The following SYCP2L variants were observed in gnomAD, a reference collection of about 807,000 sequenced individuals.
SYCP2L encodes synaptonemal complex protein 2 like.
Under a neutral mutation model 125.8 loss-of-function variants are expected in SYCP2L, and 98 were observed. The observed-to-expected ratio is 0.78, with a 90% CI of 0.66 to 0.92. SYCP2L has a LOEUF of 0.92. SYCP2L is among the 40% of genes least tolerant of loss of function. The pLI is 0.00. For missense variants in SYCP2L, 842 were observed against 936.4 expected (o/e 0.90, Z 1.32); for synonymous variants, 317 against 325.4 (o/e 0.97, Z 0.28).
At chr6:10,895,789 A>G (rs1027538902) in intron 4 of SYCP2L, among the ~76,000 whole-genome samples, 10 of 151,164 alleles carry the variant, frequency 6.6e-5, no homozygotes, top group Admixed American at 1.3e-4. Flanking sequence ...CGCCTGGCCA[A>G]CTCTATACTT....
intron 29 of SYCP2L, among the ~76,000 whole-genome samples, chr6:10,969,769 C>T (rs1781741259): frequency 6.6e-6 from 1 of 152,062 alleles, no homozygotes; most frequent in Non-Finnish European, 1.5e-5. Flanking sequence ...CCTAGATGCC[C>T]AGCTAAATAC....
At chr6:10,965,846 C>G (rs1017209196) in intron 29 of SYCP2L, among the ~76,000 whole-genome samples, 8 of 152,222 alleles carry the variant, frequency 5.3e-5, no homozygotes, top group African/African-American at 1.9e-4. Context: ...GGCCTGGTGG[C>G]TCATGCCTAT....
At chr6:10,967,353 A>G (rs1781699233) in intron 29 of SYCP2L, among the ~76,000 whole-genome samples, 1 of 152,160 alleles carries the variant, frequency 6.6e-6, no homozygotes, top group African/African-American at 2.4e-5. Context: ...GACAATCCTG[A>G]GAAGAAAATT....
chr6:10,957,803 C>T (rs146084324), intron 25 of SYCP2L, among the ~76,000 whole-genome samples: 1 of 152,098 alleles, frequency 6.6e-6, no homozygotes, highest in Non-Finnish European at 1.5e-5. Flanking sequence ...GGCAACAGAG[C>T]AAGACCATGT....
intron 2 of SYCP2L, among the ~76,000 whole-genome samples, chr6:10,892,266 T>C (rs9366664): frequency 0.37 from 56,936 of 151,984 alleles, 10,955 homozygotes; most frequent in Non-Finnish European, 0.43. Context: ...AAGCAAAGGA[T>C]TTTGGGTTTA....
rs375077118 is a variant in SYCP2L at position 10,902,783 on chromosome 6, CAG to C, written c.552+22_552+23del. On this transcript the variant is annotated intron_variant, in intron 7 of 29. Coordinates refer to ENST00000283141, the MANE Select transcript of SYCP2L (RefSeq NM_001040274.3). ...AGGAGGTGAGTTGCAAGTAACAAAA[CAG>C]GTAATAGTGGTTCCAGAAACCTAAA... The C allele has an allele frequency of 8.1e-6, 13 of 1,612,602 alleles. No homozygotes were observed. The African/African-American group carries it at 1.5e-4, about 18-fold the overall frequency.
intron 29 of SYCP2L, among the ~76,000 whole-genome samples, chr6:10,971,149 C>G (rs1781762651): frequency 6.6e-6 from 1 of 152,032 alleles, no homozygotes; most frequent in Non-Finnish European, 1.5e-5. Flanking sequence ...CTATCTTAGG[C>G]CATTCTGTGC....
In SYCP2L at chr6:10,912,855, T is replaced by C. The variant is rs1256250302; in HGVS notation, c.1012-12T>C. On this transcript the variant is annotated splice_polypyrimidine_tract_variant and intron_variant, in intron 13 of 29. Coordinates refer to ENST00000283141, the MANE Select transcript of SYCP2L (RefSeq NM_001040274.3). This position sits in a 1 kb window ranked among gnomAD's most constrained non-coding sequence, Gnocchi z 4.1. Reference sequence around the variant, plus strand: ...TTTGCACTCATGAATTTCACTTATTTATTTTCCCAAGAATACTCTATGGGA... The same window carrying C: ...TTTGCACTCATGAATTTCACTTATTCATTTTCCCAAGAATACTCTATGGGA... 1.9e-6 allele frequency: 3 copies of C among 1,613,660 alleles called. No individual in the cohort carries two copies. The highest frequency in any genetic ancestry group is 2.5e-6 in the Non-Finnish European group (3 of 1,179,780).
At position 10,958,710 on chromosome 6, in the gene SYCP2L, T is replaced by G. The variant is rs529364297; in HGVS notation, c.2164-74T>G. The G allele has an allele frequency of 2.0e-5, 27 of 1,381,220 alleles. 1 individual carries two copies. In the South Asian group the frequency reaches 2.8e-4, roughly 14 times the overall value. 85.6% of individuals were successfully genotyped at this position (1,381,220 alleles called of 1,614,324 possible). A position where few individuals can be genotyped will look rare whatever the true frequency, so the allele number is the denominator to read the frequency against. ...ATTATTACATGCTGGCAGCATCTTTTTAACACAAAGCATGCACTCAACTTA... is the reference window on the plus strand; with the variant it reads ...ATTATTACATGCTGGCAGCATCTTTGTAACACAAAGCATGCACTCAACTTA... On this transcript the variant is annotated intron_variant, in intron 25 of 29. Transcript: ENST00000283141.
intron 17 of SYCP2L, among the ~76,000 whole-genome samples, chr6:10,928,099 C>T (rs1780929637): frequency 6.6e-6 from 1 of 151,906 alleles, no homozygotes; most frequent in African/African-American, 2.4e-5. Flanking sequence ...CACACATGCT[C>T]TACAATTTGT....
intron 16 of SYCP2L, 81 bp from the exon 17 acceptor site, chr6:10,927,159 G>A (rs1780912284): frequency 1.3e-6 from 2 of 1,564,720 alleles, no homozygotes; most frequent in Admixed American, 1.8e-5. Flanking sequence ...AGGTACCAGA[G>A]GGGACATCCC....
At chr6:10,928,196 A>T (rs1156642349) in intron 17 of SYCP2L, among the ~76,000 whole-genome samples, 1 of 151,814 alleles carries the variant, frequency 6.6e-6, no homozygotes, top group Non-Finnish European at 1.5e-5. Context: ...AGGCATAGGA[A>T]ATCACAAGGG....
intron 20 of SYCP2L, among the ~76,000 whole-genome samples, chr6:10,933,710 A>G (rs889926815): frequency 2.0e-5 from 3 of 152,216 alleles, no homozygotes; most frequent in Non-Finnish European, 4.4e-5. Context: ...AGAGAAGCTC[A>G]ATAGCATTTA....
rs1398218312 is a variant in SYCP2L, at chr6:10,928,397, C to T, written c.1441-6C>T. On this transcript the variant is annotated splice_region_variant and splice_polypyrimidine_tract_variant and intron_variant, in intron 17 of 29. Coordinates refer to ENST00000283141, the MANE Select transcript of SYCP2L (RefSeq NM_001040274.3). ...AATCTTCACAATCCACGTTCTTCTGCCATAGCTTCAGCCGGTCCCTCCGTT... is the reference window on the plus strand; with the variant it reads ...AATCTTCACAATCCACGTTCTTCTGTCATAGCTTCAGCCGGTCCCTCCGTT... The T allele has an allele frequency of 1.4e-6, 2 of 1,412,798 alleles. No individual in the cohort carries two copies. Among genetic ancestry groups the T allele is most frequent in the Non-Finnish European group, 2.0e-6 (2 of 1,012,950 alleles). 87.5% of individuals were successfully genotyped at this position (1,412,798 alleles called of 1,614,324 possible). A position where few individuals can be genotyped will look rare whatever the true frequency, so the allele number is the denominator to read the frequency against.
intron 14 of SYCP2L, among the ~76,000 whole-genome samples, chr6:10,915,792 ATG>A (rs2113328872): frequency 6.6e-6 from 1 of 152,146 alleles, no homozygotes; most frequent in South Asian, 2.1e-4. Context: ...TTTTTTGGTA[ATG>A]TCCCTTCCTG....
intron 14 of SYCP2L, among the ~76,000 whole-genome samples, chr6:10,914,200 T>G (rs1780652190): frequency 6.6e-6 from 1 of 152,176 alleles, no homozygotes; most frequent in African/African-American, 2.4e-5. Context: ...GATTTTTGTA[T>G]AAGGAGAGGG....
intron 6 of SYCP2L, 61 bp from the exon 7 acceptor site, chr6:10,902,616 G>A (rs1399370008): frequency 2.8e-6 from 4 of 1,403,948 alleles, no homozygotes; most frequent in East Asian, 2.3e-5. Context: ...CTGACCGTGT[G>A]TAGGAGTCAT....
intron 20 of SYCP2L, 47 bp from the exon 21 acceptor site, chr6:10,935,011 G>GTT: frequency 6.8e-7 from 1 of 1,479,118 alleles, no homozygotes; most frequent in Non-Finnish European, 9.1e-7. Context: ...TTGATAACTT[G>GTT]TTTTTAATTA....
At chr6:10,964,058 C>T (rs539528260) in intron 29 of SYCP2L, among the ~76,000 whole-genome samples, 7 of 151,480 alleles carry the variant, frequency 4.6e-5, no homozygotes, top group Non-Finnish European at 8.8e-5. Flanking sequence ...CCCAGGTTCA[C>T]GCCATTCTCC....
Sources: allele counts gnomAD v4.1 joint callset (sites outside exome capture counted in the v4.1 genomes callset), GRCh38; gene constraint gnomAD v4.1.1; non-coding constraint Gnocchi (gnomAD v3.1); transcripts MANE v1.5; gene names NCBI Gene and HGNC (gene_info 2026-07-23, HGNC 2026-07-21).